The following DMRT1 variants were observed in gnomAD, a reference collection of about 807,000 sequenced individuals.
DMRT1 encodes doublesex and mab-3 related transcription factor 1, also known as doublesex- and mab-3-related transcription factor 1.
Under a neutral mutation model 32.3 loss-of-function variants are expected in DMRT1, and 7 were observed. That is an observed-to-expected ratio of 0.22 (90% CI 0.12 to 0.41). The LOEUF is 0.41. DMRT1 is among the 10% of genes least tolerant of loss of function. The probability of loss-of-function intolerance (pLI) is 1.00; values close to 1 mark genes in which losing one functional copy is unlikely to be tolerated. For synonymous variants in DMRT1, 278 were observed against 206.1 expected, an observed-to-expected ratio of 1.35 and a Z score of -2.99; for missense variants, 625 against 500.5, an observed-to-expected ratio of 1.25 and a Z score of -2.37.
intron 1 of DMRT1, 43 bp downstream of exon 1, chr9:842,235 T>A: frequency 7.0e-7 from 1 of 1,438,012 alleles, no homozygotes; most frequent in East Asian, 2.9e-5. Context: ...CCTTAGTTTT[T>A]TTTTTTTTTT....
chr9:937,481 A>G (rs909007228), intron 4 of DMRT1, among the ~76,000 whole-genome samples: 10 of 152,214 alleles, frequency 6.6e-5, no homozygotes, highest in Admixed American at 2.0e-4. Context: ...TGATGGTTCA[A>G]CTTTTTCCAT....
chr9:851,906 G>C (rs1162161163), intron 2 of DMRT1, among the ~76,000 whole-genome samples: 1 of 151,228 alleles, frequency 6.6e-6, no homozygotes, highest in South Asian at 2.1e-4. Flanking sequence ...GCTGTTGCTT[G>C]TACCAGCAGG....
intron 4 of DMRT1, among the ~76,000 whole-genome samples, chr9:920,076 A>G (rs1818306633): frequency 6.6e-6 from 1 of 152,192 alleles, no homozygotes; most frequent in Non-Finnish European, 1.5e-5. Flanking sequence ...TGCATGTGTT[A>G]AGTTTGAGAT....
chr9:860,237 C>A (rs181412159), intron 2 of DMRT1, among the ~76,000 whole-genome samples: 1 of 152,134 alleles, frequency 6.6e-6, no homozygotes, highest in Non-Finnish European at 1.5e-5. Context: ...GCGGAGGTTG[C>A]AGGGAGCCGA....
chr9:850,110 C>G (rs562315605), intron 2 of DMRT1, among the ~76,000 whole-genome samples: 10 of 152,196 alleles, frequency 6.6e-5, no homozygotes, highest in Admixed American at 1.3e-4. Flanking sequence ...TGAGCCACCA[C>G]GCCCAGCTGA....
chr9:846,552 A>G (rs55963875), intron 1 of DMRT1, among the ~76,000 whole-genome samples: 2,105 of 152,044 alleles, frequency 0.014, 48 homozygotes, highest in African/African-American at 0.046. Context: ...AGCCAATCTT[A>G]TTCTACACAG....
At position 841,856 on chromosome 9, in the gene DMRT1, A is replaced by G. The variant is rs987783924; in HGVS notation, c.18A>G (p.Ala6=). 3 of 1,612,592 alleles carry G rather than the reference A, an allele frequency of 1.9e-6. No homozygotes were observed. Among genetic ancestry groups the G allele is most frequent in the East Asian group, 2.2e-5 (1 of 44,860 alleles). ...GGGGCACCATGCCCAACGACGAGGCATTCAGCAAGCCCTCTACACCGTCGG... is the reference window on the plus strand; with the variant it reads ...GGGGCACCATGCCCAACGACGAGGCGTTCAGCAAGCCCTCTACACCGTCGG... MPNDE[A]FSKPSTPSEA... The change falls in exon 1 of 5, where the codon GCA becomes GCG. Residue 6 remains alanine, a synonymous_variant. Coordinates refer to ENST00000382276, the MANE Select transcript of DMRT1 (RefSeq NM_021951.3).
intron 4 of DMRT1, among the ~76,000 whole-genome samples, chr9:938,615 T>C (rs976933063): frequency 6.6e-6 from 1 of 152,234 alleles, no homozygotes; most frequent in Admixed American, 6.5e-5. Context: ...CCTGCAACTT[T>C]GCTGAATTTA....
chr9:906,539 C>G (rs563471020), intron 3 of DMRT1, among the ~76,000 whole-genome samples: 2 of 152,190 alleles, frequency 1.3e-5, no homozygotes, highest in Admixed American at 6.5e-5. Flanking sequence ...GTTTCTGGGT[C>G]ACTAGTTTTG....
intron 2 of DMRT1, among the ~76,000 whole-genome samples, chr9:849,523 T>C (rs1283356190): frequency 1.3e-5 from 2 of 152,152 alleles, no homozygotes; most frequent in Non-Finnish European, 2.9e-5. Flanking sequence ...AGAAGGACTT[T>C]AGGCTATGCA....
chr9:904,490 CT>C (rs1356784705), intron 3 of DMRT1, among the ~76,000 whole-genome samples: 1 of 152,144 alleles, frequency 6.6e-6, no homozygotes, highest in East Asian at 1.9e-4. Context: ...GAAAAAAAGA[CT>C]AGAGTTGCCA....
intron 3 of DMRT1, among the ~76,000 whole-genome samples, chr9:910,562 T>G (rs1011840001): frequency 6.6e-6 from 1 of 150,834 alleles, no homozygotes; most frequent in African/African-American, 2.4e-5. Context: ...ATTTTTATGG[T>G]TTTTTTTTCA....
chr9:919,097 C>G (rs987818284), intron 4 of DMRT1, among the ~76,000 whole-genome samples: 2 of 152,064 alleles, frequency 1.3e-5, no homozygotes, highest in Non-Finnish European at 2.9e-5. Context: ...GAGATATCGG[C>G]AAAGGTTGGC....
chr9:955,655 G>A (rs1295246761), intron 4 of DMRT1, among the ~76,000 whole-genome samples: 6 of 152,226 alleles, frequency 3.9e-5, no homozygotes, highest in African/African-American at 1.2e-4. Context: ...GCAGTAAGCC[G>A]TGATAGTGCC....
At chr9:857,825 G>C (rs1815467884) in intron 2 of DMRT1, among the ~76,000 whole-genome samples, 1 of 130,006 alleles carries the variant, frequency 7.7e-6, no homozygotes. Context: ...CCCTTCCTGT[G>C]TCCATGTGTT....
chr9:906,615 G>C (rs979986098), intron 3 of DMRT1, among the ~76,000 whole-genome samples: 2 of 152,158 alleles, frequency 1.3e-5, no homozygotes, highest in Non-Finnish European at 2.9e-5. Flanking sequence ...GGTGGGAACA[G>C]ATATGGATGC....
At chr9:905,998 C>T (rs1817760138) in intron 3 of DMRT1, among the ~76,000 whole-genome samples, 1 of 149,060 alleles carries the variant, frequency 6.7e-6, no homozygotes, top group South Asian at 2.2e-4. Flanking sequence ...ACTAGGCATG[C>T]TGTCTCTCAA....
At chr9:903,738 A>G (rs1270731319) in intron 3 of DMRT1, among the ~76,000 whole-genome samples, 1 of 152,182 alleles carries the variant, frequency 6.6e-6, no homozygotes, top group Non-Finnish European at 1.5e-5. Context: ...ATTCCAGAAG[A>G]AACTAGAATT....
chr9:880,405 G>A (rs567799378), intron 2 of DMRT1, among the ~76,000 whole-genome samples: 3 of 152,206 alleles, frequency 2.0e-5, no homozygotes, highest in Admixed American at 6.5e-5. Flanking sequence ...CCTTCATAGC[G>A]ATGAGGAATA....
Sources: allele counts gnomAD v4.1 joint callset (sites outside exome capture counted in the v4.1 genomes callset), GRCh38; gene constraint gnomAD v4.1.1; transcripts MANE v1.5; gene names NCBI Gene and HGNC (gene_info 2026-07-23, HGNC 2026-07-21).